SIX4: variants seen among roughly 807,000 people sequenced by gnomAD.
The protein encoded by SIX4 is homeobox protein SIX4.
SIX4 carries 23 observed loss-of-function variants against 51.5 expected under a neutral mutation model. The ratio of observed to expected loss-of-function variants is 0.45; its 90% confidence interval spans 0.32 to 0.63. The LOEUF is 0.63. SIX4 is among the 30% of genes least tolerant of loss of function. SIX4 has a pLI of 0.04. For synonymous variants in SIX4, 413 were observed against 417.3 expected (o/e 0.99, Z 0.13); for missense variants, 867 against 984.0 (o/e 0.88, Z 1.59).
chr14:60,724,299 G>A lies in SIX4; in HGVS notation c.-225C>T. On this transcript the variant is annotated 5_prime_UTR_variant, in exon 1 of 3. An upstream open reading frame in the 5' UTR gains an earlier in-frame stop. Transcript: ENST00000216513. ...AGCAAAGTAGTGTAAACGGATAGCT[G>A]CTTTCTGCCGTTCCCCCAACGTGAC... 1.3e-6 allele frequency: 2 copies of A among 1,519,976 alleles called. No individual in the cohort carries two copies. The highest frequency in any genetic ancestry group is 1.8e-6 in the Non-Finnish European group (2 of 1,136,954). 94.2% of individuals were successfully genotyped at this position (1,519,976 alleles called of 1,614,324 possible). A position where few individuals can be genotyped will look rare whatever the true frequency, so the allele number is the denominator to read the frequency against.
At position 60,717,869 on chromosome 14, in the gene SIX4, G is replaced by T; in HGVS notation, c.1549+1891C>A. On this transcript the variant is annotated intron_variant, in intron 2 of 2. Transcript: ENST00000216513. The surrounding 1 kb of genome is among the most constrained non-coding windows in gnomAD (Gnocchi z 4.6). ...TCTGTTAAACACACGAAGATTAGCC[G>T]GTCATGGTGATGCACGCCTGTAGTC... The T allele has an allele frequency of 6.4e-6, 1 of 156,110 alleles. No homozygotes were observed. The highest frequency in any genetic ancestry group is 1.4e-5 in the Non-Finnish European group (1 of 70,772). 9.7% of individuals were successfully genotyped at this position (156,110 alleles called of 1,614,324 possible). A position where few individuals can be genotyped will look rare whatever the true frequency, so the allele number is the denominator to read the frequency against.
Position 60,713,326 on chromosome 14 carries a change from A to G in SIX4, c.*81T>C, listed in dbSNP as rs1215940410. The G allele has an allele frequency of 2.1e-6, 3 of 1,452,910 alleles. No individual in the cohort carries two copies. The African/African-American group carries it at 4.3e-5, about 21-fold the overall frequency. The allele number at this position is 1,452,910 out of a possible 1,614,324, so 90.0% of individuals were successfully genotyped here. On this transcript the variant is annotated 3_prime_UTR_variant, in exon 3 of 3. Transcript: ENST00000216513. The stretch of plus-strand genomic sequence containing the variant: ...GCAAAACTAGAGTGTTTTCCTTTAA[A>G]TGGGAAAATGTTTTGTGTCCTTGGG...
At chr14:60,716,956 G>A (rs1398426331) in intron 2 of SIX4, among the ~76,000 whole-genome samples, 1 of 152,190 alleles carries the variant, frequency 6.6e-6, no homozygotes, top group African/African-American at 2.4e-5. Context: ...ACATTTCTAA[G>A]TATGTTTCAG....
Position 60,710,963 on chromosome 14 carries a change from A to G in SIX4, c.*2444T>C, listed in dbSNP as rs1390770189. On this transcript the variant is annotated 3_prime_UTR_variant, in exon 3 of 3. Transcript: ENST00000216513. ...GGAGAAAAGAGGAAGAACACTGAAT[A>G]AAAGAGAGGCTTATTGTATTTTCGG... is the stretch of plus-strand genomic sequence containing the variant. 4.6e-5 allele frequency: 7 copies of G among 151,816 alleles called. No homozygotes were observed. The highest frequency in any genetic ancestry group is 1.7e-4 in the African/African-American group (7 of 41,316). 9.4% of individuals were successfully genotyped at this position (151,816 alleles called of 1,614,324 possible). A position where few individuals can be genotyped will look rare whatever the true frequency, so the allele number is the denominator to read the frequency against.
chr14:60,714,664 ATTAT>A (rs1452247952), intron 2 of SIX4, among the ~76,000 whole-genome samples: 1 of 149,906 alleles, frequency 6.7e-6, no homozygotes, highest in Non-Finnish European at 1.5e-5. Flanking sequence ...TCTGTTGCTT[ATTAT>A]TTCTTTTTTT....
At chr14:60,718,506 C>A (rs1895961064) in intron 2 of SIX4, among the ~76,000 whole-genome samples, 1 of 152,060 alleles carries the variant, frequency 6.6e-6, no homozygotes, top group Admixed American at 6.6e-5. Flanking sequence ...AAAATGTGAC[C>A]TGTTTGGAAA....
chr14:60,711,844 A>AG lies in SIX4; in HGVS notation c.*1562dup. 6.6e-6 allele frequency: 1 copy of AG among 152,328 alleles called. No homozygotes were observed. The highest frequency in any genetic ancestry group is 1.9e-4 in the East Asian group (1 of 5,190). The allele number at this position is 152,328 out of a possible 1,614,324, so 9.4% of individuals were successfully genotyped here. On this transcript the variant is annotated 3_prime_UTR_variant, in exon 3 of 3. Coordinates refer to ENST00000216513, the MANE Select transcript of SIX4 (RefSeq NM_017420.5). ...AACACCTTTATGTTCAACAACTTGA[A>AG]GTTATCTCTGAAGAAATTATTTTCT...
Position 60,713,481 on chromosome 14 carries a change from C to T in SIX4, c.2272G>A (p.Asp758Asn). 6.2e-7 allele frequency: 1 copy of T among 1,614,204 alleles called. No individual in the cohort carries two copies. Among genetic ancestry groups the T allele is most frequent in the Non-Finnish European group, 8.5e-7 (1 of 1,180,020 alleles). The change falls in exon 3 of 3, where the codon GAC (aspartate) becomes AAC (asparagine). Residue 758 changes from aspartate to asparagine, a missense_variant. Coordinates refer to ENST00000216513, the MANE Select transcript of SIX4 (RefSeq NM_017420.5). ...AGCTCTTTTTTGTCTGTTTCCAGGT[C>T]TTCACAGACAGTATCAACCATGCCA... ...LDGMVDTVCEDLETDKKELAK... is the reference protein window; with the variant it reads ...LDGMVDTVCENLETDKKELAK...
At position 60,720,596 on chromosome 14, in the gene SIX4, G is replaced by T; in HGVS notation, c.864-151C>A. ...TATCTGCTAGTCCTATTTAAACTAA[G>T]AGGCCTTTCAGCAGATTCCGACCAG... On this transcript the variant is annotated intron_variant, in intron 1 of 2. Transcript: ENST00000216513. The surrounding 1 kb of genome is among the most constrained non-coding windows in gnomAD (Gnocchi z 5.5). 1 of 714,634 alleles carries T rather than the reference G, an allele frequency of 1.4e-6. No homozygotes were observed. Among genetic ancestry groups the T allele is most frequent in the East Asian group, 2.7e-5 (1 of 37,102 alleles). 44.3% of individuals were successfully genotyped at this position (714,634 alleles called of 1,614,324 possible).
At position 60,720,608 on chromosome 14, in the gene SIX4, C is replaced by T. The variant is rs1896003684; in HGVS notation, c.864-163G>A. ...CTATTTAAACTAAGAGGCCTTTCAG[C>T]AGATTCCGACCAGCCAGAGAATCTG... is the stretch of plus-strand genomic sequence containing the variant. On this transcript the variant is annotated intron_variant, in intron 1 of 2. Coordinates refer to ENST00000216513, the MANE Select transcript of SIX4 (RefSeq NM_017420.5). This position sits in a 1 kb window ranked among gnomAD's most constrained non-coding sequence, Gnocchi z 5.5. 6.6e-6 allele frequency among the ~76,000 whole-genome samples: 1 copy of T among 152,210 alleles called. No homozygotes were observed. The highest frequency in any genetic ancestry group is 1.5e-5 in the Non-Finnish European group (1 of 68,042).
Position 60,712,380 on chromosome 14 carries a change from C to T in SIX4, c.*1027G>A, listed in dbSNP as rs2140265250. 1 of 152,718 alleles carries T rather than the reference C, an allele frequency of 6.5e-6. No individual in the cohort carries two copies. The highest frequency in any genetic ancestry group is 2.4e-5 in the African/African-American group (1 of 41,572). 9.5% of individuals were successfully genotyped at this position (152,718 alleles called of 1,614,324 possible). The stretch of plus-strand genomic sequence containing the variant: ...AGAACCATCAGTGCTTCTGTTGACA[C>T]TTCTGTACCTTACTACCAATAAAAA... On this transcript the variant is annotated 3_prime_UTR_variant, in exon 3 of 3. Transcript: ENST00000216513.
Position 60,713,828 on chromosome 14 carries a change from G to C in SIX4, c.1925C>G (p.Pro642Arg), listed in dbSNP as rs760029533. 2 of 1,614,186 alleles carry C rather than the reference G, an allele frequency of 1.2e-6. No homozygotes were observed. The highest frequency in any genetic ancestry group is 1.1e-5 in the South Asian group (1 of 91,060). ...ELNRDIADSQ[P>R]MSAPVASKST... ...TTTGCTTGCCACCGGTGCAGACATT[G>C]GTTGGCTATCGGCAATGTCGCGGTT... Residue 642 changes from proline to arginine, a missense_variant, in exon 3 of 3, where the codon CCA becomes CGA. Transcript: ENST00000216513.
At position 60,719,882 on chromosome 14, in the gene SIX4, A is replaced by C; in HGVS notation, c.1427T>G (p.Val476Gly). 3 of 1,614,176 alleles carry C rather than the reference A, an allele frequency of 1.9e-6. No individual in the cohort carries two copies. Among genetic ancestry groups the C allele is most frequent in the Non-Finnish European group, 1.7e-6 (2 of 1,180,032 alleles). ...GGSVVTFTTP[V>G]QINQYGIVQI... ...GACAATGCCATACTGGTTAATTTGC[A>C]CTGGTGTAGTAAAAGTCACTACAGA... Residue 476 changes from valine to glycine, a missense_variant, in exon 2 of 3, where the codon GTG becomes GGG. Val to Gly is a moderately radical substitution (Grantham distance 109). Coordinates refer to ENST00000216513, the MANE Select transcript of SIX4 (RefSeq NM_017420.5). The surrounding 1 kb of genome is among the most constrained non-coding windows in gnomAD (Gnocchi z 4.9).
rs1387789958 is a variant in SIX4, at chr14:60,720,090, T to C, written c.1219A>G (p.Met407Val). ...GAAGTAGACCCCAGTATGTCAGTCA[T>C]GGATATACCATTGCTCACAATGTTT... Reference protein sequence around the residue: ...SSNIVSNGISMTDILGSTSQD... With the variant: ...SSNIVSNGISVTDILGSTSQD... Residue 407 changes from methionine to valine, a missense_variant, in exon 2 of 3, where the codon ATG (methionine) becomes GTG (valine). Coordinates refer to ENST00000216513, the MANE Select transcript of SIX4 (RefSeq NM_017420.5). This position sits in a 1 kb window ranked among gnomAD's most constrained non-coding sequence, Gnocchi z 5.5. The C allele has an allele frequency of 1.9e-6, 3 of 1,614,098 alleles. No homozygotes were observed. Among genetic ancestry groups the C allele is most frequent in the Non-Finnish European group, 1.7e-6 (2 of 1,180,048 alleles).
chr14:60,714,043 T>C lies in SIX4; in HGVS notation c.1710A>G (p.Glu570=). ...TGQTIGSVKQ[E]GLERSLVFSQ... is the part of the protein sequence containing the mutation. Reference sequence around the variant, plus strand: ...AAAATACCAGGCTCCTTTCCAAGCCTTCCTGTTTCACAGATCCTATAGTCT... The same window carrying C: ...AAAATACCAGGCTCCTTTCCAAGCCCTCCTGTTTCACAGATCCTATAGTCT... Residue 570 remains glutamate, a synonymous_variant, in exon 3 of 3, where the codon GAA becomes GAG. Coordinates refer to ENST00000216513, the MANE Select transcript of SIX4 (RefSeq NM_017420.5). 6.2e-7 allele frequency: 1 copy of C among 1,614,150 alleles called. No homozygotes were observed. Among genetic ancestry groups the C allele is most frequent in the Non-Finnish European group, 8.5e-7 (1 of 1,180,018 alleles).
rs2140266490 is a variant in SIX4, at chr14:60,714,000, T to A, written c.1753A>T (p.Asn585Tyr). The A allele has an allele frequency of 6.2e-7, 1 of 1,614,136 alleles. No homozygotes were observed. Among genetic ancestry groups the A allele is most frequent in the Non-Finnish European group, 8.5e-7 (1 of 1,180,020 alleles). Reference sequence around the variant, plus strand: ...TTTGCATTTACTTGTGCATTCTGATTGACAGGCATCAACTGAGAAAATACC... The same window carrying A: ...TTTGCATTTACTTGTGCATTCTGATAGACAGGCATCAACTGAGAAAATACC... ...SLVFSQLMPVNQNAQVNANLS... is the reference protein window; with the variant it reads ...SLVFSQLMPVYQNAQVNANLS... Residue 585 changes from asparagine to tyrosine, a missense_variant, in exon 3 of 3, where the codon AAT (asparagine) becomes TAT (tyrosine). Coordinates refer to ENST00000216513, the MANE Select transcript of SIX4 (RefSeq NM_017420.5).
rs769707973 is a variant in SIX4, at chr14:60,720,014, G to T, written c.1295C>A (p.Thr432Asn). 4.3e-6 allele frequency: 7 copies of T among 1,614,226 alleles called. No homozygotes were observed. The highest frequency in any genetic ancestry group is 5.9e-6 in the Non-Finnish European group (7 of 1,180,040). ...KVLQSSANSA[T>N]TTSYSPSVPV... ...GACACTGGGGCTGTAGGACGTGGTG[G>T]TTGCTGAGTTAGCAGAACTCTGGAG... is the stretch of plus-strand genomic sequence containing the variant. Residue 432 changes from threonine (T) to asparagine (N), a missense_variant, in exon 2 of 3, where the codon ACC becomes AAC. Thr to Asn is a moderately conservative substitution (Grantham distance 65). Coordinates refer to ENST00000216513, the MANE Select transcript of SIX4 (RefSeq NM_017420.5). This position sits in a 1 kb window ranked among gnomAD's most constrained non-coding sequence, Gnocchi z 5.5.
At position 60,723,409 on chromosome 14, in the gene SIX4, G is replaced by A. The variant is rs1896071113; in HGVS notation, c.666C>T (p.Asp222=). Residue 222 remains aspartate, a synonymous_variant, in exon 1 of 3, where the codon GAC becomes GAT. Coordinates refer to ENST00000216513, the MANE Select transcript of SIX4 (RefSeq NM_017420.5). ...TGAAACAATACACCGTCTCCTCGCC[G>A]TCCCAGATGGTGCGGGGCAGGGGGA... is the stretch of plus-strand genomic sequence containing the variant. ...RKFPLPRTIW[D]GEETVYCFKE... The A allele has an allele frequency of 6.2e-7, 1 of 1,611,502 alleles. No homozygotes were observed. Among genetic ancestry groups the A allele is most frequent in the South Asian group, 1.1e-5 (1 of 91,044 alleles).
chr14:60,722,706 C>CG lies in SIX4; in HGVS notation c.863+505dup, dbSNP rs1896045565. ...GCCACCGCGACCTCCAGCGCAGGCC[C>CG]GGGGGGCGGCTGAACCCTGGGGATC... On this transcript the variant is annotated intron_variant, in intron 1 of 2. Coordinates refer to ENST00000216513, the MANE Select transcript of SIX4 (RefSeq NM_017420.5). This position sits in a 1 kb window ranked among gnomAD's most constrained non-coding sequence, Gnocchi z 5.9. Among the ~76,000 whole-genome samples, 3 of 152,156 alleles carry CG rather than the reference C, an allele frequency of 2.0e-5. No homozygotes were observed. Among genetic ancestry groups the CG allele is most frequent in the South Asian group, 4.2e-4 (2 of 4,798 alleles).
Sources: allele counts gnomAD v4.1 joint callset (sites outside exome capture counted in the v4.1 genomes callset), GRCh38; gene constraint gnomAD v4.1.1; non-coding constraint Gnocchi (gnomAD v3.1); transcripts MANE v1.5; gene names NCBI Gene and HGNC (gene_info 2026-07-23, HGNC 2026-07-21).